ERLIN1: variants seen among roughly 807,000 people sequenced by gnomAD.
ERLIN1 encodes erlin-1.
A neutral mutation model predicts 46.9 loss-of-function variants in ERLIN1; 24 were observed. The observed-to-expected ratio is 0.51, with a 90% CI of 0.37 to 0.72. The LOEUF (loss-of-function observed/expected upper bound fraction) is 0.72. ERLIN1 is among the 30% of genes least tolerant of loss of function. The pLI is 0.00. For missense variants in ERLIN1, 293 were observed against 417.9 expected, an observed-to-expected ratio of 0.70 and a Z score of 2.61; for synonymous variants, 158 against 143.2, an observed-to-expected ratio of 1.10 and a Z score of -0.74.
intron 2 of ERLIN1, among the ~76,000 whole-genome samples, chr10:100,181,161 C>A (rs987556673): frequency 6.6e-6 from 1 of 152,152 alleles, no homozygotes; most frequent in Non-Finnish European, 1.5e-5. Context: ...TATTCTCTAG[C>A]CAATTTTCAA....
chr10:100,175,855 G>T, intron 5 of ERLIN1, 90 bp downstream of exon 5: 1 of 1,066,126 alleles, frequency 9.4e-7, no homozygotes, highest in Non-Finnish European at 1.3e-6. Context: ...TGCTTAAATA[G>T]CACTAAGGTT....
At chr10:100,160,698 G>A (rs1203525831) in intron 8 of ERLIN1, among the ~76,000 whole-genome samples, 1 of 152,126 alleles carries the variant, frequency 6.6e-6, no homozygotes, top group East Asian at 1.9e-4. Flanking sequence ...TGTAATCCTA[G>A]CACTTTGGAA....
chr10:100,151,775 G>GACGAAT lies in ERLIN1; in HGVS notation c.*350_*355dup. ...TGGCTGAGCATACATTTCCCCGGGG[G>GACGAAT]ACGAATGTAAACATTATTCAACAGA... On this transcript the variant is annotated 3_prime_UTR_variant, in exon 11 of 11. Transcript: ENST00000421367. 3.0e-6 allele frequency: 1 copy of GACGAAT among 330,270 alleles called. No homozygotes were observed. Among genetic ancestry groups the GACGAAT allele is most frequent in the Non-Finnish European group, 5.9e-6 (1 of 168,804 alleles). The allele number at this position is 330,270 out of a possible 1,614,324, so 20.5% of individuals were successfully genotyped here.
At chr10:100,178,886 T>C (rs1223941936) in intron 3 of ERLIN1, among the ~76,000 whole-genome samples, 2 of 152,136 alleles carry the variant, frequency 1.3e-5, no homozygotes, top group African/African-American at 4.8e-5. Context: ...AATTTCACTA[T>C]GAACCTAAAA....
chr10:100,174,665 T>A (rs1404215768), intron 5 of ERLIN1, among the ~76,000 whole-genome samples: 3 of 152,224 alleles, frequency 2.0e-5, no homozygotes, highest in Non-Finnish European at 2.9e-5. Context: ...TCAGGGCTCT[T>A]ACTCAATATG....
chr10:100,152,112 A>G lies in ERLIN1; in HGVS notation c.*19T>C. 6.6e-7 allele frequency: 1 copy of G among 1,517,794 alleles called. No individual in the cohort carries two copies. Among genetic ancestry groups the G allele is most frequent in the Non-Finnish European group, 9.2e-7 (1 of 1,092,288 alleles). The allele number at this position is 1,517,794 out of a possible 1,614,324, so 94.0% of individuals were successfully genotyped here. A position where few individuals can be genotyped will look rare whatever the true frequency, so the allele number is the denominator to read the frequency against. ...CCTTGGGCCACATCTTGATATGGAG[A>G]ACATTTCCACCTCTTGCATCAACCT... is the stretch of plus-strand genomic sequence containing the variant. On this transcript the variant is annotated 3_prime_UTR_variant, in exon 11 of 11. Transcript: ENST00000421367.
intron 4 of ERLIN1, among the ~76,000 whole-genome samples, chr10:100,177,858 C>A (rs1363827820): frequency 6.6e-6 from 1 of 152,216 alleles, no homozygotes; most frequent in Non-Finnish European, 1.5e-5. Flanking sequence ...CTCATCCTGA[C>A]TGGATAAAAT....
chr10:100,151,871 A>T lies in ERLIN1; in HGVS notation c.*260T>A. On this transcript the variant is annotated 3_prime_UTR_variant, in exon 11 of 11. Coordinates refer to ENST00000421367, the MANE Select transcript of ERLIN1 (RefSeq NM_006459.4). The stretch of plus-strand genomic sequence containing the variant: ...ATTCCAGTGCAGGCAGTATCTTAGC[A>T]TCAGACTTTCCTCATTCATGAGTAG... The T allele has an allele frequency of 3.9e-6, 2 of 509,142 alleles. No homozygotes were observed. Among genetic ancestry groups the T allele is most frequent in the Non-Finnish European group, 7.2e-6 (2 of 278,560 alleles). The allele number at this position is 509,142 out of a possible 1,614,324, so 31.5% of individuals were successfully genotyped here.
At chr10:100,179,792 G>C (rs2134174233) in intron 2 of ERLIN1, among the ~76,000 whole-genome samples, 1 of 152,238 alleles carries the variant, frequency 6.6e-6, no homozygotes, top group Admixed American at 6.5e-5. Flanking sequence ...CACTGGGAAA[G>C]GTTCAATGTT....
At chr10:100,167,015 G>A (rs994084923) in intron 7 of ERLIN1, among the ~76,000 whole-genome samples, 4 of 152,084 alleles carry the variant, frequency 2.6e-5, no homozygotes, top group African/African-American at 9.7e-5. Context: ...CAACCCTAAC[G>A]GCTTCAGGAC....
intron 2 of ERLIN1, among the ~76,000 whole-genome samples, chr10:100,182,551 A>C (rs1383098940): frequency 6.6e-6 from 1 of 152,232 alleles, no homozygotes; most frequent in Non-Finnish European, 1.5e-5. Flanking sequence ...AATCAGCTCA[A>C]TTTAACAACT....
intron 7 of ERLIN1, among the ~76,000 whole-genome samples, chr10:100,166,113 T>C (rs950393199): frequency 6.6e-6 from 1 of 152,196 alleles, no homozygotes; most frequent in African/African-American, 2.4e-5. Flanking sequence ...AAGAGTTCTT[T>C]GTCTACAATG....
At chr10:100,183,479 A>G (rs538572580) in intron 2 of ERLIN1, among the ~76,000 whole-genome samples, 1 of 152,258 alleles carries the variant, frequency 6.6e-6, no homozygotes, top group Non-Finnish European at 1.5e-5. Context: ...TTATTGTGAC[A>G]GCAGCAACAG....
chr10:100,155,290 C>T (rs1451619799), intron 9 of ERLIN1, among the ~76,000 whole-genome samples: 1 of 151,980 alleles, frequency 6.6e-6, no homozygotes, highest in Non-Finnish European at 1.5e-5. Context: ...GCATTGTCTC[C>T]AGCCCCCCCC....
chr10:100,178,323 C>A (rs982010822), intron 3 of ERLIN1, 129 bp from the exon 4 acceptor site: 1 of 601,436 alleles, frequency 1.7e-6, no homozygotes, highest in Admixed American at 2.9e-5. Flanking sequence ...AGTTCGCTTC[C>A]TTTTTCATAG....
In ERLIN1 at chr10:100,180,383, T is replaced by TACAAA. The variant is rs566418489; in HGVS notation, c.196-1141_196-1137dup. Among the ~76,000 whole-genome samples the TACAAA allele has an allele frequency of 2.9e-3, 446 of 152,100 alleles. 4 individuals are homozygous for TACAAA. Among genetic ancestry groups the TACAAA allele is most frequent in the African/African-American group, 0.01 (425 of 41,476 alleles). On this transcript the variant is annotated intron_variant, in intron 2 of 10. Transcript: ENST00000421367. ...ACAATGCAATCAATCCATCAACAGG[T>TACAAA]ACAAAACAAAACAAAACAAAACCAA... is the stretch of plus-strand genomic sequence containing the variant.
chr10:100,166,900 C>T (rs1327143182), intron 7 of ERLIN1, among the ~76,000 whole-genome samples: 1 of 152,174 alleles, frequency 6.6e-6, no homozygotes, highest in African/African-American at 2.4e-5. Context: ...AGAACCAGGT[C>T]TAATTTTAGA....
intron 1 of ERLIN1, among the ~76,000 whole-genome samples, chr10:100,184,861 T>C (rs1844871784): frequency 6.6e-6 from 1 of 152,184 alleles, no homozygotes; most frequent in Non-Finnish European, 1.5e-5. Flanking sequence ...ATTATCCCAA[T>C]TTCTCCACAA....
intron 6 of ERLIN1, among the ~76,000 whole-genome samples, chr10:100,167,850 T>C (rs1843732250): frequency 6.6e-6 from 1 of 152,230 alleles, no homozygotes; most frequent in Admixed American, 6.5e-5. Context: ...GTGTATACAA[T>C]TTAATACAGT....
Sources: allele counts gnomAD v4.1 joint callset (sites outside exome capture counted in the v4.1 genomes callset), GRCh38; gene constraint gnomAD v4.1.1; transcripts MANE v1.5; gene names NCBI Gene and HGNC (gene_info 2026-07-23, HGNC 2026-07-21).